TSNARE1: variants seen among roughly 807,000 people sequenced by gnomAD.
TSNARE1 encodes t-SNARE domain-containing protein 1.
A neutral mutation model predicts 62.0 loss-of-function variants in TSNARE1; 49 were observed. The ratio of observed to expected loss-of-function variants is 0.79; its 90% confidence interval spans 0.63 to 1.00. The LOEUF (loss-of-function observed/expected upper bound fraction) is 1.00. TSNARE1 is among the 50% of genes least tolerant of loss of function. The pLI is 0.00. For missense variants in TSNARE1, 755 were observed against 700.1 expected (o/e 1.08, Z -0.88); for synonymous variants, 328 against 294.4 (o/e 1.11, Z -1.17).
At chr8:142,379,965 GC>G (rs1836614787) in intron 1 of TSNARE1, among the ~76,000 whole-genome samples, 1 of 152,194 alleles carries the variant, frequency 6.6e-6, no homozygotes, top group African/African-American at 2.4e-5. Context: ...TTGTGCCGCT[GC>G]CCCCAGCAGA....
chr8:142,327,608 C>T (rs963345182), intron 6 of TSNARE1, among the ~76,000 whole-genome samples: 1 of 152,240 alleles, frequency 6.6e-6, no homozygotes, highest in Admixed American at 6.5e-5. Flanking sequence ...GCTGGCCACC[C>T]CTCTGCCACA....
intron 1 of TSNARE1, among the ~76,000 whole-genome samples, chr8:142,401,175 A>G (rs1402386899): frequency 1.3e-5 from 2 of 151,978 alleles, no homozygotes; most frequent in Admixed American, 1.3e-4. Context: ...TGTACTTCTC[A>G]CCACATTCTC....
At chr8:142,390,705 C>T (rs1366185389) in intron 1 of TSNARE1, among the ~76,000 whole-genome samples, 1 of 8,938 alleles carries the variant, frequency 1.1e-4, no homozygotes, top group Non-Finnish European at 1.7e-4. Flanking sequence ...CGGGGGACTC[C>T]GTAACAGAAG....
At chr8:142,270,465 C>G in intron 12 of TSNARE1, 1 of 970,346 alleles carries the variant, frequency 1.0e-6, no homozygotes, top group Non-Finnish European at 1.2e-6. Context: ...CCATACAGTA[C>G]CAAGTAATAT....
intron 9 of TSNARE1, among the ~76,000 whole-genome samples, chr8:142,307,888 C>G (rs1826949456): frequency 6.6e-6 from 1 of 152,224 alleles, no homozygotes; most frequent in South Asian, 2.1e-4. Context: ...CCGGCTTTTG[C>G]AGAGGTTTTC....
At position 142,344,370 on chromosome 8, in the gene TSNARE1, G is replaced by A. The variant is rs769143604; in HGVS notation, c.341C>T (p.Ala114Val). 23 of 1,566,060 alleles carry A rather than the reference G, an allele frequency of 1.5e-5. No homozygotes were observed. Among genetic ancestry groups the A allele is most frequent in the South Asian group, 1.1e-4 (9 of 84,118 alleles). The change falls in exon 4 of 14, where the codon GCG becomes GTG. Residue 114 changes from alanine (A) to valine (V), a missense_variant. By Grantham distance (64) the Ala-to-Val change is moderately conservative (BLOSUM62 0). Coordinates refer to ENST00000524325, the MANE Select transcript of TSNARE1 (RefSeq NM_145003.5). ...DSAAGPHGRM[A>V]GPSTTRAKKR... is the part of the protein sequence containing the mutation. The stretch of plus-strand genomic sequence containing the variant: ...CTTGGCCCGGGTAGTGCTGGGCCCC[G>A]CCATCCGGCCATGGGGCCCAGCAGC...
At position 142,379,510 on chromosome 8, in the gene TSNARE1, G is replaced by T. The variant is rs186750211; in HGVS notation, c.-40+23594C>A. Among the ~76,000 whole-genome samples, 26 of 152,374 alleles carry T rather than the reference G, an allele frequency of 1.7e-4. No homozygotes were observed. The East Asian group carries it at 4.6e-3, about 27-fold the overall frequency. Reference sequence around the variant, plus strand: ...CACGGCCAACACCACTCCTGCCAGGGGCACGATGGGGAACGGGGCGGGGAG... The same window carrying T: ...CACGGCCAACACCACTCCTGCCAGGTGCACGATGGGGAACGGGGCGGGGAG... On this transcript the variant is annotated intron_variant, in intron 1 of 13. Coordinates refer to ENST00000524325, the MANE Select transcript of TSNARE1 (RefSeq NM_145003.5).
chr8:142,271,497 G>C, intron 12 of TSNARE1: 1 of 1,329,862 alleles, frequency 7.5e-7, no homozygotes, highest in Non-Finnish European at 9.6e-7. Flanking sequence ...GCCGAAGAGG[G>C]CGGGGAAGGC....
intron 12 of TSNARE1, chr8:142,271,367 T>C (rs964417076): frequency 2.7e-5 from 33 of 1,207,542 alleles, no homozygotes; most frequent in Middle Eastern, 6.4e-4. Context: ...GCTCTGCTGC[T>C]GGGCCCAGGA....
intron 9 of TSNARE1, among the ~76,000 whole-genome samples, chr8:142,310,262 G>A (rs561185198): frequency 3.2e-4 from 48 of 152,196 alleles, no homozygotes; most frequent in African/African-American, 9.9e-4. Context: ...GTCTGCCCTC[G>A]ATGTGTATGT....
intron 12 of TSNARE1, among the ~76,000 whole-genome samples, chr8:142,254,044 T>C (rs947508281): frequency 6.6e-6 from 1 of 152,222 alleles, no homozygotes; most frequent in Non-Finnish European, 1.5e-5. Context: ...ATTCTTGGCT[T>C]TTCGTTTAGA....
At position 142,331,769 on chromosome 8, in the gene TSNARE1, G is replaced by A. The variant is rs369625840; in HGVS notation, c.808C>T (p.Arg270Ter). 1.6e-4 allele frequency: 264 copies of A among 1,601,476 alleles called. No individual in the cohort carries two copies. The highest frequency in any genetic ancestry group is 2.1e-4 in the Non-Finnish European group (249 of 1,174,356). The change falls in exon 5 of 14, where the codon CGA (arginine) becomes TGA (stop). Residue 270 changes from arginine (R) to a stop codon, truncating the protein, a stop_gained. Coordinates refer to ENST00000524325, the MANE Select transcript of TSNARE1 (RefSeq NM_145003.5). LOFTEE classifies it high-confidence loss of function. ...GCACACTCACCACTGGAGTTGATTC[G>A]GAAGACGTTGGCCGACATCTCCTGG... The part of the protein sequence containing the change: ...LFQEMSANVF[R>*]INSSVTSLER...
In TSNARE1 at chr8:142,278,519, G is replaced by A. The variant is rs184041052; in HGVS notation, c.1364-3656C>T. The A allele has an allele frequency of 7.4e-5, 73 of 985,482 alleles. No homozygotes were observed. In the East Asian group the frequency reaches 5.3e-3, roughly 72 times the overall value. 61.0% of individuals were successfully genotyped at this position (985,482 alleles called of 1,614,324 possible). ...CTTCGAAGGGTGTGCCACCATATGCGGAGGACGGCGAAGGAGCTCCTGGCA... is the reference window on the plus strand; with the variant it reads ...CTTCGAAGGGTGTGCCACCATATGCAGAGGACGGCGAAGGAGCTCCTGGCA... On this transcript the variant is annotated intron_variant, in intron 11 of 13. Coordinates refer to ENST00000524325, the MANE Select transcript of TSNARE1 (RefSeq NM_145003.5).
At chr8:142,270,275 G>C in intron 12 of TSNARE1, 1 of 985,410 alleles carries the variant, frequency 1.0e-6, no homozygotes, top group South Asian at 4.7e-5. Context: ...TGAAGACGCA[G>C]GGAAGTGCCC....
At chr8:142,321,470 A>T (rs1245980920) in intron 6 of TSNARE1, among the ~76,000 whole-genome samples, 1 of 152,264 alleles carries the variant, frequency 6.6e-6, no homozygotes, top group Admixed American at 6.5e-5. Flanking sequence ...AACAGAGATA[A>T]TAAAGGTAAG....
chr8:142,400,033 C>T (rs1264280926), intron 1 of TSNARE1, among the ~76,000 whole-genome samples: 1 of 151,048 alleles, frequency 6.6e-6, no homozygotes, highest in Non-Finnish European at 1.5e-5. Context: ...TGAGACACGC[C>T]TATCTCAAAA....
intron 1 of TSNARE1, among the ~76,000 whole-genome samples, chr8:142,375,603 G>T: frequency 6.6e-6 from 1 of 152,354 alleles, no homozygotes; most frequent in Non-Finnish European, 1.5e-5. Flanking sequence ...GGTGAAGTCC[G>T]CCATCCAGCT....
At chr8:142,298,419 G>T (rs901706508) in intron 10 of TSNARE1, among the ~76,000 whole-genome samples, 6 of 152,132 alleles carry the variant, frequency 3.9e-5, no homozygotes, top group African/African-American at 1.4e-4. Context: ...GCTGCACCGG[G>T]CACGAGCCCT....
intron 4 of TSNARE1, among the ~76,000 whole-genome samples, chr8:142,338,502 C>T (rs908952063): frequency 6.6e-6 from 1 of 150,506 alleles, no homozygotes; most frequent in Non-Finnish European, 1.5e-5. Flanking sequence ...GGCAAGCTGA[C>T]AGGCTGCCTC....
Sources: gnomAD v4.1 joint callset for allele counts (sites outside exome capture counted in the v4.1 genomes callset) on GRCh38, gnomAD v4.1.1 for gene constraint, MANE v1.5 for transcripts, NCBI Gene and HGNC (gene_info 2026-07-23, HGNC 2026-07-21) for gene names.